RAD51B: variants seen among roughly 807,000 people sequenced by gnomAD.
RAD51B encodes DNA repair protein RAD51 homolog 2.
RAD51B carries 38 observed loss-of-function variants against 42.2 expected under a neutral mutation model. That is an observed-to-expected ratio of 0.90 (90% CI 0.70 to 1.18). The LOEUF is 1.18. Ranked by LOEUF, RAD51B falls within the 50% of genes most tolerant of loss-of-function variation. The pLI is 0.00. For synonymous variants in RAD51B, 154 were observed against 145.2 expected (o/e 1.06, Z -0.43); for missense variants, 373 against 400.7 (o/e 0.93, Z 0.59).
At chr14:68,276,064 T>C (rs1263060685) in intron 7 of RAD51B, among the ~76,000 whole-genome samples, 1 of 152,120 alleles carries the variant, frequency 6.6e-6, no homozygotes, top group Non-Finnish European at 1.5e-5. Context: ...TTCAAAGAGC[T>C]CCTTTTTTGA....
chr14:68,676,477 G>A (rs1337797993), intron 11 of RAD51B, among the ~76,000 whole-genome samples: 2 of 152,222 alleles, frequency 1.3e-5, no homozygotes, highest in Non-Finnish European at 2.9e-5. Flanking sequence ...TAGAAGGCAG[G>A]GAGTTTAGAG....
intron 7 of RAD51B, among the ~76,000 whole-genome samples, chr14:67,978,134 G>T (rs1326057871): frequency 6.6e-6 from 1 of 151,964 alleles, no homozygotes; most frequent in Non-Finnish European, 1.5e-5. Flanking sequence ...TATGATTTGG[G>T]CTATTATTTG....
At chr14:68,606,010 A>T (rs149777173) in intron 10 of RAD51B, among the ~76,000 whole-genome samples, 291 of 152,312 alleles carry the variant, frequency 1.9e-3, no homozygotes, top group Non-Finnish European at 3.4e-3. Context: ...ACTGTCAGTC[A>T]GCGTCCCCAG....
intron 10 of RAD51B, among the ~76,000 whole-genome samples, chr14:68,487,229 T>C (rs573929838): frequency 6.6e-6 from 1 of 152,310 alleles, no homozygotes; most frequent in South Asian, 2.1e-4. Context: ...TCCGGAGGCC[T>C]CTCCCCTTGT....
chr14:68,197,527 G>T (rs1159082755), intron 7 of RAD51B, among the ~76,000 whole-genome samples: 1 of 152,086 alleles, frequency 6.6e-6, no homozygotes, highest in Non-Finnish European at 1.5e-5. Context: ...AAATTGGTGG[G>T]TCAGAGGATA....
At chr14:68,169,750 A>T (rs1008369503) in intron 7 of RAD51B, among the ~76,000 whole-genome samples, 1 of 152,024 alleles carries the variant, frequency 6.6e-6, no homozygotes, top group Non-Finnish European at 1.5e-5. Context: ...ATTTGAATTG[A>T]TGGATATATG....
chr14:68,326,670 A>C (rs2082258189), intron 8 of RAD51B, among the ~76,000 whole-genome samples: 1 of 152,236 alleles, frequency 6.6e-6, no homozygotes, highest in Admixed American at 6.5e-5. Context: ...TTAGGAGTAG[A>C]CATAAAATGA....
chr14:68,683,002 G>A, intron 11 of RAD51B: 2 of 979,492 alleles, frequency 2.0e-6, no homozygotes, highest in Non-Finnish European at 2.4e-6. Flanking sequence ...TAGTCACGCA[G>A]CAGCATATCC....
intron 7 of RAD51B, among the ~76,000 whole-genome samples, chr14:68,255,066 CT>C (rs2080724234): frequency 6.6e-6 from 1 of 151,994 alleles, no homozygotes; most frequent in Non-Finnish European, 1.5e-5. Flanking sequence ...TATTTTCTTT[CT>C]TTCACATGCT....
intron 7 of RAD51B, among the ~76,000 whole-genome samples, chr14:68,279,831 G>T (rs745482967): frequency 2.6e-5 from 4 of 152,106 alleles, no homozygotes; most frequent in African/African-American, 4.8e-5. Context: ...CTATCATCAC[G>T]TATATTTAAG....
At chr14:67,871,418 C>G (rs1341733662) in intron 5 of RAD51B, among the ~76,000 whole-genome samples, 1 of 152,160 alleles carries the variant, frequency 6.6e-6, no homozygotes, top group Non-Finnish European at 1.5e-5. Flanking sequence ...AGACCAATAA[C>G]AGGGTCTGAA....
chr14:68,676,976 C>T (rs1027536156), intron 11 of RAD51B, among the ~76,000 whole-genome samples: 1 of 152,128 alleles, frequency 6.6e-6, no homozygotes, highest in Non-Finnish European at 1.5e-5. Flanking sequence ...AAGCACAAAG[C>T]GTGGAGCTCC....
chr14:68,323,963 C>A (rs1425616077), intron 8 of RAD51B, among the ~76,000 whole-genome samples: 1 of 152,120 alleles, frequency 6.6e-6, no homozygotes, highest in Admixed American at 6.5e-5. Context: ...ACAGGGCATA[C>A]CATTGTGAGT....
intron 7 of RAD51B, among the ~76,000 whole-genome samples, chr14:68,179,160 TTCCTTTTACAGTTAA>T (rs562677657): frequency 2.6e-4 from 39 of 152,322 alleles, no homozygotes; most frequent in African/African-American, 8.4e-4. Flanking sequence ...GTGTGAAGCA[TTCCTTTTACAGTTAA>T]ATTACTGTTT....
At chr14:68,329,756 T>G (rs1355024128) in intron 8 of RAD51B, among the ~76,000 whole-genome samples, 1 of 152,032 alleles carries the variant, frequency 6.6e-6, no homozygotes, top group Non-Finnish European at 1.5e-5. Flanking sequence ...CCGAGGCAGG[T>G]GGATCACGAG....
intron 7 of RAD51B, among the ~76,000 whole-genome samples, chr14:68,118,391 G>T (rs2057361): frequency 0.073 from 11,062 of 152,192 alleles, 1,175 homozygotes; most frequent in African/African-American, 0.23. Flanking sequence ...TCCTTATGCT[G>T]TTCCAACCTG....
intron 4 of RAD51B, among the ~76,000 whole-genome samples, chr14:67,848,842 C>T (rs1047664764): frequency 2.6e-5 from 4 of 152,148 alleles, no homozygotes; most frequent in African/African-American, 9.7e-5. Flanking sequence ...TTATTTTTCA[C>T]TTATGAAGCT....
chr14:68,395,826 A>G (rs2083901212), intron 8 of RAD51B, among the ~76,000 whole-genome samples: 1 of 152,246 alleles, frequency 6.6e-6, no homozygotes, highest in Non-Finnish European at 1.5e-5. Context: ...GACCTTGGGT[A>G]CATCACTTTC....
chr14:68,121,310 G>A (rs1013327207), intron 7 of RAD51B, among the ~76,000 whole-genome samples: 1 of 152,178 alleles, frequency 6.6e-6, no homozygotes, highest in African/African-American at 2.4e-5. Context: ...GAGCATTTAT[G>A]AAACTTTTCC....
Sources: allele counts gnomAD v4.1 joint callset (sites outside exome capture counted in the v4.1 genomes callset), GRCh38; gene constraint gnomAD v4.1.1; transcripts MANE v1.5; gene names NCBI Gene and HGNC (gene_info 2026-07-23, HGNC 2026-07-21).